KLHL41: variants seen among roughly 807,000 people sequenced by gnomAD.
The protein encoded by KLHL41 is kelch-like protein 41.
Under a neutral mutation model 49.2 loss-of-function variants are expected in KLHL41, and 31 were observed. The ratio of observed to expected loss-of-function variants is 0.63; its 90% CI spans 0.47 to 0.85. KLHL41 has a LOEUF of 0.85. Ranked by LOEUF, KLHL41 falls within the 40% of genes least tolerant of loss-of-function variation. KLHL41 has a pLI of 0.00. For synonymous variants in KLHL41, 218 were observed against 258.5 expected (o/e 0.84, Z 1.50); for missense variants, 663 against 726.7 (o/e 0.91, Z 1.01).
rs1379516441 is a variant in KLHL41, at chr2:169,525,713, T to TAA, written c.*18_*19dup. ...AAACTGTGAACAAGGTGACAAAACA[T>TAA]AATAGATTGGGAGGTGGTTTGTTTG... On this transcript the variant is annotated 3_prime_UTR_variant, in exon 6 of 6. Coordinates refer to ENST00000284669, the MANE Select transcript of KLHL41 (RefSeq NM_006063.3). The TAA allele has an allele frequency of 2.8e-6, 4 of 1,451,532 alleles. No individual in the cohort carries two copies. The highest frequency in any genetic ancestry group is 3.9e-6 in the Non-Finnish European group (4 of 1,033,086). 89.9% of individuals were successfully genotyped at this position (1,451,532 alleles called of 1,614,324 possible).
rs1207586276 is a variant in KLHL41, at chr2:169,518,219, A to G, written c.1406A>G (p.Asn469Ser). Residue 469 changes from asparagine (N) to serine (S), a missense_variant, in exon 4 of 6, where the codon AAC (asparagine) becomes AGC (serine). By Grantham distance (46) the Asn-to-Ser change is conservative (BLOSUM62 1). Around this residue, in one of 3 missense-constraint regions of KLHL41, gnomAD observed 528 missense variants for 581.0 expected, o/e 0.91. Coordinates refer to ENST00000284669, the MANE Select transcript of KLHL41 (RefSeq NM_006063.3). Reference protein sequence around the residue: ...KKCTNRVFIFNPKKGDWKDLA... With the variant: ...KKCTNRVFIFSPKKGDWKDLA... ...TGTACAAACAGGGTGTTTATCTTCA[A>G]CCCCAAAAAAGGAGATTGGAAAGAT... 4 of 1,613,422 alleles carry G rather than the reference A, an allele frequency of 2.5e-6. No homozygotes were observed. Among genetic ancestry groups the G allele is most frequent in the Non-Finnish European group, 3.4e-6 (4 of 1,179,726 alleles).
rs1159533289 is a variant in KLHL41 at position 169,510,364 on chromosome 2, G to A, written c.586G>A (p.Val196Ile). ...DSLNVEKEEAVFEAVMKWVRT... is the reference protein window; with the variant it reads ...DSLNVEKEEAIFEAVMKWVRT... ...CCTAAATGTAGAAAAAGAAGAAGCA[G>A]TATTTGAGGCAGTGATGAAATGGGT... The change falls in exon 1 of 6, where the codon GTA becomes ATA. Residue 196 changes from valine to isoleucine, a missense_variant. Coordinates refer to ENST00000284669, the MANE Select transcript of KLHL41 (RefSeq NM_006063.3). This position sits in a 1 kb window ranked among gnomAD's most constrained non-coding sequence, Gnocchi z 4.2. 1.2e-6 allele frequency: 2 copies of A among 1,614,130 alleles called. No individual in the cohort carries two copies. The highest frequency in any genetic ancestry group is 1.3e-5 in the African/African-American group (1 of 75,034).
At chr2:169,513,927 C>T (rs1684068251) in intron 1 of KLHL41, among the ~76,000 whole-genome samples, 1 of 152,056 alleles carries the variant, frequency 6.6e-6, no homozygotes, top group Non-Finnish European at 1.5e-5. Flanking sequence ...TGAGCAGTTA[C>T]TTATTAATAT....
At chr2:169,520,000 T>C (rs16857003) in intron 4 of KLHL41, among the ~76,000 whole-genome samples, 2,770 of 143,378 alleles carry the variant, frequency 0.019, 86 homozygotes, top group African/African-American at 0.076. Flanking sequence ...GCTCCTTGAA[T>C]TTTTTTTTCC....
At position 169,510,553 on chromosome 2, in the gene KLHL41, T is replaced by G; in HGVS notation, c.775T>G (p.Phe259Val). 6.2e-7 allele frequency: 1 copy of G among 1,614,068 alleles called. No homozygotes were observed. The highest frequency in any genetic ancestry group is 8.5e-7 in the Non-Finnish European group (1 of 1,179,984). The change falls in exon 1 of 6, where the codon TTC (phenylalanine) becomes GTC (valine). Residue 259 changes from phenylalanine to valine, a missense_variant. Phe to Val is a conservative substitution (Grantham distance 50). Coordinates refer to ENST00000284669, the MANE Select transcript of KLHL41 (RefSeq NM_006063.3). The surrounding 1 kb of genome is among the most constrained non-coding windows in gnomAD (Gnocchi z 4.2). Reference protein sequence around the residue: ...QKKIKVLKDAFAGKLPEPSKN... With the variant: ...QKKIKVLKDAVAGKLPEPSKN... ...AAAAATCAAAGTTCTAAAAGATGCT[T>G]TCGCAGGCAAACTCCCAGAACCTAG...
intron 5 of KLHL41, among the ~76,000 whole-genome samples, chr2:169,523,847 A>G (rs1684242300): frequency 6.6e-6 from 1 of 152,124 alleles, no homozygotes. Flanking sequence ...TGTTTGCACA[A>G]ACCCTCCAGG....
Position 169,520,791 on chromosome 2 carries a change from A to G in KLHL41, c.1563-70A>G. 12 of 1,253,152 alleles carry G rather than the reference A, an allele frequency of 9.6e-6. No individual in the cohort carries two copies. In the South Asian group the frequency reaches 1.4e-4, roughly 14 times the overall value. The allele number at this position is 1,253,152 out of a possible 1,614,324, so 77.6% of individuals were successfully genotyped here. On this transcript the variant is annotated intron_variant, in intron 4 of 5. Coordinates refer to ENST00000284669, the MANE Select transcript of KLHL41 (RefSeq NM_006063.3). ...TTGAATTTTTAAATTATTATTTCCT[A>G]TAATTATTCAGTAAGTACATCTGGC...
In KLHL41 at chr2:169,520,177, T is replaced by C. The variant is rs1040443639; in HGVS notation, c.1563-684T>C. On this transcript the variant is annotated intron_variant, in intron 4 of 5. Coordinates refer to ENST00000284669, the MANE Select transcript of KLHL41 (RefSeq NM_006063.3). Reference sequence around the variant, plus strand: ...CTGTGTGTGTGTGTGTGTGTGTGTGTGTGTGTGTGTGTGTGTGTGTGTGTG... The same window carrying C: ...CTGTGTGTGTGTGTGTGTGTGTGTGCGTGTGTGTGTGTGTGTGTGTGTGTG... Among the ~76,000 whole-genome samples the C allele has an allele frequency of 3.0e-4, 44 of 145,440 alleles. 2 individuals carry two copies. The South Asian group carries it at 7.3e-3, about 24-fold the overall frequency.
At chr2:169,524,437 T>C (rs1265009065) in intron 5 of KLHL41, among the ~76,000 whole-genome samples, 2 of 148,524 alleles carry the variant, frequency 1.3e-5, no homozygotes, top group South Asian at 2.1e-4. Flanking sequence ...TTTTTTTTTT[T>C]TTTGAGATGG....
intron 4 of KLHL41, among the ~76,000 whole-genome samples, chr2:169,519,668 T>TTTTTTTTTTTTTTTTTTTTTTCTCTCA (rs1684168401): frequency 6.6e-6 from 1 of 151,194 alleles, no homozygotes; most frequent in African/African-American, 2.4e-5. Context: ...TTTTTTTTTT[T>TTTTTTTTTTTTTTTTTTTTTTCTCTCA]GAGACAGGGT....
chr2:169,514,159 T>C (rs1157192699), intron 1 of KLHL41: 1 of 155,736 alleles, frequency 6.4e-6, no homozygotes, highest in Non-Finnish European at 1.4e-5. Context: ...ATGTTAAATA[T>C]AGCACGCAGG....
rs1684082359 is a variant in KLHL41, at chr2:169,514,587, C to T, written c.1124C>T (p.Ala375Val). Residue 375 changes from alanine (A) to valine (V), a missense_variant, in exon 2 of 6, where the codon GCA becomes GTA. Ala to Val is a moderately conservative substitution (Grantham distance 64). Around this residue, in one of 3 missense-constraint regions of KLHL41, gnomAD observed 528 missense variants for 581.0 expected, o/e 0.91. Coordinates refer to ENST00000284669, the MANE Select transcript of KLHL41 (RefSeq NM_006063.3). ...TGTTTTTTTCAGCTCGATAGCATAG[C>T]ATCTGAATGGGTTGGACTTCCACCT... The part of the protein sequence containing the change: ...QSYFFQLDSI[A>V]SEWVGLPPLP... The T allele has an allele frequency of 6.2e-7, 1 of 1,613,242 alleles. No homozygotes were observed. Among genetic ancestry groups the T allele is most frequent in the Non-Finnish European group, 8.5e-7 (1 of 1,179,718 alleles).
intron 3 of KLHL41, among the ~76,000 whole-genome samples, chr2:169,517,687 C>T (rs1288823662): frequency 6.6e-6 from 1 of 152,138 alleles, no homozygotes; most frequent in African/African-American, 2.4e-5. Context: ...TTGTCTAATC[C>T]ATAGTCCCAG....
At chr2:169,519,272 A>G (rs989314083) in intron 4 of KLHL41, among the ~76,000 whole-genome samples, 1 of 152,164 alleles carries the variant, frequency 6.6e-6, no homozygotes, top group Non-Finnish European at 1.5e-5. Context: ...TACCTTTTAT[A>G]TTCCTAGTTT....
chr2:169,525,491 A>G, intron 5 of KLHL41, 94 bp from the exon 6 acceptor site: 1 of 744,388 alleles, frequency 1.3e-6, no homozygotes, highest in Non-Finnish European at 2.4e-6. Flanking sequence ...AAGAGCCACT[A>G]GGGTTTTTTC....
intron 3 of KLHL41, among the ~76,000 whole-genome samples, chr2:169,516,144 C>T (rs1372224173): frequency 6.6e-6 from 1 of 152,124 alleles, no homozygotes; most frequent in Non-Finnish European, 1.5e-5. Flanking sequence ...TCATCATTTG[C>T]CCAGGCCATT....
At chr2:169,518,110 A>G (rs1358013826) in intron 3 of KLHL41, 80 bp from the exon 4 acceptor site, 2 of 971,788 alleles carry the variant, frequency 2.1e-6, no homozygotes, top group Non-Finnish European at 3.1e-6. Context: ...TATATTTTTC[A>G]TGACAAGCAA....
intron 1 of KLHL41, 115 bp downstream of exon 1, chr2:169,511,003 T>A: frequency 1.2e-6 from 1 of 849,332 alleles, no homozygotes; most frequent in Non-Finnish European, 1.8e-6. Context: ...ATTGATGTCC[T>A]ATTCCAGTCC....
chr2:169,510,772 C>A lies in KLHL41; in HGVS notation c.994C>A (p.Gln332Lys), dbSNP rs756595110. 6.2e-6 allele frequency: 10 copies of A among 1,614,016 alleles called. No homozygotes were observed. Among genetic ancestry groups the A allele is most frequent in the Non-Finnish European group, 7.6e-6 (9 of 1,180,040 alleles). ...NECYLTALAE[Q>K]IPRNHSSIVT... ...ATGCTACCTTACTGCACTGGCTGAG[C>A]AGATTCCCAGAAATCATTCCAGCAT... The change falls in exon 1 of 6, where the codon CAG becomes AAG. Residue 332 changes from glutamine to lysine, a missense_variant. This residue lies in a region of KLHL41 where 528 missense variants were observed against 581.0 expected (regional missense o/e 0.91). Transcript: ENST00000284669. The surrounding 1 kb of genome is among the most constrained non-coding windows in gnomAD (Gnocchi z 4.2).
Sources: allele counts gnomAD v4.1 joint callset (sites outside exome capture counted in the v4.1 genomes callset), GRCh38; gene constraint gnomAD v4.1.1; regional missense constraint gnomAD v4.1.1; non-coding constraint Gnocchi (gnomAD v3.1); transcripts MANE v1.5; gene names NCBI Gene and HGNC (gene_info 2026-07-23, HGNC 2026-07-21).